Variants in MROH2B observed in about 807,000 individuals in gnomAD.
The protein encoded by MROH2B is maestro heat like repeat family member 2B, also known as maestro heat-like repeat-containing protein family member 2B.
Under a neutral mutation model 208.6 loss-of-function variants are expected in MROH2B, and 177 were observed. That is an observed-to-expected ratio of 0.85 (90% CI 0.75 to 0.96). The LOEUF (loss-of-function observed/expected upper bound fraction) is 0.96. Among genes scored for constraint, MROH2B ranks in the 40% least tolerant of loss-of-function variants. The probability of loss-of-function intolerance (pLI) is 0.00; values close to 1 mark genes in which losing one functional copy is unlikely to be tolerated. For missense variants in MROH2B, 2,002 were observed against 1,878.7 expected, an observed-to-expected ratio of 1.07 and a Z score of -1.21; for synonymous variants, 728 against 659.0, an observed-to-expected ratio of 1.10 and a Z score of -1.60.
intron 21 of MROH2B, among the ~76,000 whole-genome samples, chr5:41,037,269 A>C (rs1742796523): frequency 6.6e-6 from 1 of 152,284 alleles, no homozygotes; most frequent in Middle Eastern, 3.4e-3. Context: ...TTTCTTGTAG[A>C]GATGAAGTCT....
At chr5:41,061,913 G>A (rs778188226) in intron 5 of MROH2B, among the ~76,000 whole-genome samples, 189 bp from the exon 6 acceptor site, 4 of 152,194 alleles carry the variant, frequency 2.6e-5, no homozygotes, top group Non-Finnish European at 5.9e-5. Context: ...AAAGCATAAT[G>A]AGCCACTACT....
intron 21 of MROH2B, among the ~76,000 whole-genome samples, chr5:41,034,746 G>T (rs772879700): frequency 6.6e-6 from 1 of 152,106 alleles, no homozygotes; most frequent in Non-Finnish European, 1.5e-5. Flanking sequence ...AATGATTTCA[G>T]TAAGGTTTCA....
At position 41,015,435 on chromosome 5, in the gene MROH2B, C is replaced by T. The variant is rs772428538; in HGVS notation, c.2928G>A (p.Gly976=). ...GAACCTGCACGTCATCACTTTCCAG[C>T]CCTTCCTGCAAACCCTGCAGTCTTT... ...EVERLQGLQE[G]LESDDVQVQI... is the part of the protein sequence containing the mutation. The change falls in exon 29 of 42, where the codon GGG becomes GGA. Residue 976 remains glycine (G), a synonymous_variant. Transcript: ENST00000399564. The T allele has an allele frequency of 5.0e-6, 8 of 1,613,478 alleles. No homozygotes were observed. The South Asian group carries it at 8.8e-5, about 18-fold the overall frequency.
intron 37 of MROH2B, among the ~76,000 whole-genome samples, chr5:41,001,909 T>G (rs1741410987): frequency 6.6e-6 from 1 of 151,868 alleles, no homozygotes; most frequent in Non-Finnish European, 1.5e-5. Context: ...AAAAAGGGAT[T>G]AAAGAAAAAG....
At chr5:41,040,083 C>G (rs1206791222) in intron 19 of MROH2B, among the ~76,000 whole-genome samples, 3 of 152,158 alleles carry the variant, frequency 2.0e-5, no homozygotes. Context: ...GGGTTCATTA[C>G]AGTAGGGCCT....
intron 17 of MROH2B, among the ~76,000 whole-genome samples, chr5:41,046,397 C>T (rs925210782): frequency 3.3e-5 from 5 of 151,974 alleles, no homozygotes; most frequent in Non-Finnish European, 5.9e-5. Context: ...ACAATCAGTC[C>T]TTTGAACCCA....
chr5:41,006,077 G>T (rs956383553), intron 34 of MROH2B, among the ~76,000 whole-genome samples: 7 of 151,174 alleles, frequency 4.6e-5, no homozygotes, highest in Non-Finnish European at 8.8e-5. Flanking sequence ...AGGGATGCTT[G>T]ATGAAAGCCC....
At chr5:41,008,873 T>C in intron 32 of MROH2B, 80 bp from the exon 33 acceptor site, 1 of 1,383,252 alleles carries the variant, frequency 7.2e-7, no homozygotes, top group Non-Finnish European at 9.8e-7. Flanking sequence ...TTTTCAACTT[T>C]GTTTTCTCCA....
In MROH2B at chr5:41,067,219, C is replaced by T. The variant is rs1743839816; in HGVS notation, c.91-1G>A. ...AAGTGAGATGACTGTAAATGTCTTC[C>T]TGTGAATATACAAAGGCATACACAG... On this transcript the variant is annotated splice_acceptor_variant, in intron 2 of 41. Coordinates refer to ENST00000399564, the MANE Select transcript of MROH2B (RefSeq NM_173489.5). LOFTEE classifies it high-confidence loss of function. The T allele has an allele frequency of 1.3e-6, 2 of 1,527,912 alleles. No individual in the cohort carries two copies. Among genetic ancestry groups the T allele is most frequent in the African/African-American group, 2.8e-5 (2 of 72,626 alleles). 94.6% of individuals were successfully genotyped at this position (1,527,912 alleles called of 1,614,324 possible). A position where few individuals can be genotyped will look rare whatever the true frequency, so the allele number is the denominator to read the frequency against.
At chr5:41,000,162 C>T (rs766081453) in intron 39 of MROH2B, 58 bp downstream of exon 39, 53 of 1,588,518 alleles carry the variant, frequency 3.3e-5, no homozygotes, top group East Asian at 4.5e-5. Context: ...TGCCCTTCTG[C>T]GATTTGTCTA....
chr5:41,056,790 A>AG (rs1161378598), intron 9 of MROH2B, among the ~76,000 whole-genome samples: 1 of 151,860 alleles, frequency 6.6e-6, no homozygotes, highest in Non-Finnish European at 1.5e-5. Context: ...AAAAAAAAAA[A>AG]AAGAAATTTC....
At chr5:41,020,511 A>G (rs2111880532) in intron 24 of MROH2B, among the ~76,000 whole-genome samples, 1 of 152,146 alleles carries the variant, frequency 6.6e-6, no homozygotes, top group East Asian at 1.9e-4. Context: ...GTAGGCTGAA[A>G]CTCTGTCAGG....
chr5:41,066,191 A>T (rs1478504891), intron 3 of MROH2B, among the ~76,000 whole-genome samples: 1 of 152,194 alleles, frequency 6.6e-6, no homozygotes, highest in Non-Finnish European at 1.5e-5. Flanking sequence ...ATCTGGCCTA[A>T]TAATCATGTC....
intron 28 of MROH2B, 43 bp downstream of exon 28, chr5:41,017,807 G>T: frequency 6.5e-7 from 1 of 1,541,432 alleles, no homozygotes; most frequent in Non-Finnish European, 8.7e-7. Context: ...AAAAGAAGAT[G>T]GGTTTCTTTT....
Position 41,009,364 on chromosome 5 carries a change from G to A in MROH2B, c.3336C>T (p.Ala1112=), listed in dbSNP as rs967029535. 6.2e-7 allele frequency: 1 copy of A among 1,613,830 alleles called. No homozygotes were observed. The highest frequency in any genetic ancestry group is 2.2e-5 in the East Asian group (1 of 44,880). The part of the protein sequence containing the change: ...TLWKALAEKP[A]SSGKLLQALI... ...AGGCTTGCAAGAGTTTCCCACTGGA[G>A]GCTGGCTTTTCAGCCAGCGCCTTCC... is the stretch of plus-strand genomic sequence containing the variant. Residue 1112 remains alanine, a synonymous_variant, in exon 32 of 42, where the codon GCC becomes GCT. Coordinates refer to ENST00000399564, the MANE Select transcript of MROH2B (RefSeq NM_173489.5).
chr5:41,043,446 A>G (rs1314906669), intron 18 of MROH2B, among the ~76,000 whole-genome samples: 1 of 152,242 alleles, frequency 6.6e-6, no homozygotes, highest in Non-Finnish European at 1.5e-5. Context: ...AAGACTGGAA[A>G]GAATCTGGGA....
rs1741507752 is a variant in MROH2B at position 41,004,487 on chromosome 5, T to C, written c.4053A>G (p.Arg1351=). ...HKQLMLESII[R]GLYHLARTEV... is the part of the protein sequence containing the mutation. The stretch of plus-strand genomic sequence containing the variant: ...CAGTGCGAGCTAGGTGATACAGGCC[T>C]CTGATGATAGATTCTAGCATTAACT... Residue 1351 remains arginine (R), a synonymous_variant, in exon 37 of 42, where the codon AGA becomes AGG. Transcript: ENST00000399564. The C allele has an allele frequency of 6.2e-7, 1 of 1,613,066 alleles. No individual in the cohort carries two copies. Among genetic ancestry groups the C allele is most frequent in the African/African-American group, 1.3e-5 (1 of 74,846 alleles).
intron 14 of MROH2B, 31 bp from the exon 15 acceptor site, chr5:41,049,172 T>C (rs890990054): frequency 5.0e-6 from 8 of 1,603,568 alleles, no homozygotes; most frequent in Non-Finnish European, 6.0e-6. Context: ...TCATCATCAC[T>C]GCAGGGGTTA....
At chr5:41,035,339 G>T (rs935856303) in intron 21 of MROH2B, among the ~76,000 whole-genome samples, 28 of 152,000 alleles carry the variant, frequency 1.8e-4, no homozygotes, top group Non-Finnish European at 1.0e-4. Context: ...ATAGGAAAAG[G>T]ACTCCCTACT....
Sources: gnomAD v4.1 joint callset for allele counts (sites outside exome capture counted in the v4.1 genomes callset) on GRCh38, gnomAD v4.1.1 for gene constraint, MANE v1.5 for transcripts, NCBI Gene and HGNC (gene_info 2026-07-23, HGNC 2026-07-21) for gene names.